BCKDHB: variants seen among roughly 807,000 people sequenced by gnomAD.
BCKDHB encodes the protein branched chain keto acid dehydrogenase E1 subunit beta.
BCKDHB carries 41 observed loss-of-function variants against 48.5 expected under a neutral mutation model. The ratio of observed to expected loss-of-function variants is 0.85; its 90% CI spans 0.66 to 1.10. BCKDHB has a LOEUF of 1.10. BCKDHB is among the 50% of genes least tolerant of loss of function. The pLI, the probability that BCKDHB is intolerant of heterozygous loss-of-function variation, is 0.00. For synonymous variants in BCKDHB, 201 were observed against 174.8 expected, an observed-to-expected ratio of 1.15 and a Z score of -1.18; for missense variants, 496 against 494.2, an observed-to-expected ratio of 1.00 and a Z score of -0.03.
chr6:80,339,415 A>G (rs1769778988), intron 9 of BCKDHB, among the ~76,000 whole-genome samples: 1 of 152,212 alleles, frequency 6.6e-6, no homozygotes, highest in Admixed American at 6.5e-5. Flanking sequence ...AAAATGAAAC[A>G]AGACAAAAAG....
chr6:80,310,844 G>A (rs549958260), intron 9 of BCKDHB, among the ~76,000 whole-genome samples: 22 of 152,166 alleles, frequency 1.4e-4, no homozygotes, highest in African/African-American at 4.8e-4. Flanking sequence ...TTTCTCTAAT[G>A]ATAACAGTAA....
At chr6:80,198,710 G>A (rs1185685484) in intron 6 of BCKDHB, among the ~76,000 whole-genome samples, 1 of 152,164 alleles carries the variant, frequency 6.6e-6, no homozygotes, top group African/African-American at 2.4e-5. Flanking sequence ...TGTACAATGT[G>A]ATTCTATTTG....
chr6:80,342,556 G>GGAAA (rs1554216141), intron 9 of BCKDHB, among the ~76,000 whole-genome samples: 2 of 24,096 alleles, frequency 8.3e-5, no homozygotes, highest in African/African-American at 3.2e-4. Flanking sequence ...CCTCATTTCT[G>GGAAA]AAAAAAAAAA....
chr6:80,395,868 T>C, the BCKDHB span, among the ~76,000 whole-genome samples: 3 of 152,284 alleles, frequency 2.0e-5, no homozygotes, highest in Admixed American at 2.0e-4. Context: ...CTGCTTCAGC[T>C]CCAGCTCTGG....
chr6:80,288,939 A>T (rs1582510184), intron 9 of BCKDHB, among the ~76,000 whole-genome samples: 1 of 152,216 alleles, frequency 6.6e-6, no homozygotes, highest in East Asian at 1.9e-4. Flanking sequence ...AGGGGTAGGG[A>T]GCATTAATGG....
At chr6:80,322,906 T>C (rs1270417335) in intron 9 of BCKDHB, among the ~76,000 whole-genome samples, 1 of 149,946 alleles carries the variant, frequency 6.7e-6, no homozygotes, top group Non-Finnish European at 1.5e-5. Context: ...CTTTTTTTTT[T>C]TTTTTTTGCA....
chr6:80,220,381 G>T, intron 8 of BCKDHB, among the ~76,000 whole-genome samples: 1 of 71,096 alleles, frequency 1.4e-5, no homozygotes, highest in African/African-American at 4.2e-5. Context: ...ATGTTCTATA[G>T]ATTATCTCTG....
At chr6:80,464,733 C>T in the BCKDHB span, among the ~76,000 whole-genome samples, 3 of 152,184 alleles carry the variant, frequency 2.0e-5, no homozygotes, top group Non-Finnish European at 4.4e-5. Context: ...TGCTCTTCCA[C>T]ATTTGCAGTA....
chr6:80,366,558 T>C, the BCKDHB span, among the ~76,000 whole-genome samples: 5 of 152,212 alleles, frequency 3.3e-5, no homozygotes, highest in Admixed American at 6.5e-5. Context: ...CATAAAGTGA[T>C]TTACATAATA....
chr6:80,163,296 G>A (rs910439790), intron 3 of BCKDHB, among the ~76,000 whole-genome samples: 2 of 142,442 alleles, frequency 1.4e-5, no homozygotes, highest in African/African-American at 5.3e-5. Flanking sequence ...CTCACTTGAA[G>A]TCACTGCAAT....
At chr6:80,397,038 G>A in the BCKDHB span, among the ~76,000 whole-genome samples, 4 of 152,080 alleles carry the variant, frequency 2.6e-5, no homozygotes, top group African/African-American at 9.7e-5. Flanking sequence ...CTTCAGAACT[G>A]CACCCCCCGC....
At chr6:80,212,928 C>T (rs183420197) in intron 8 of BCKDHB, among the ~76,000 whole-genome samples, 2 of 152,262 alleles carry the variant, frequency 1.3e-5, no homozygotes, top group East Asian at 1.9e-4. Flanking sequence ...TAAAATGTTA[C>T]GTACTCTTGT....
upstream of BCKDHB, chr6:80,106,661 T>G (rs779370324): frequency 2.6e-6 from 4 of 1,545,734 alleles, no homozygotes; most frequent in Middle Eastern, 2.3e-4. Context: ...GGCGTGCGGC[T>G]GCATAGCCTG....
intron 9 of BCKDHB, among the ~76,000 whole-genome samples, chr6:80,342,256 G>A (rs1273921313): frequency 6.6e-6 from 1 of 151,880 alleles, no homozygotes; most frequent in African/African-American, 2.4e-5. Flanking sequence ...AGTATAATAT[G>A]TAAAAAAAAC....
chr6:80,134,575 G>A (rs2505934), intron 3 of BCKDHB, among the ~76,000 whole-genome samples: 5,123 of 151,990 alleles, frequency 0.034, 274 homozygotes, highest in African/African-American at 0.12. Flanking sequence ...AAGCTTTATG[G>A]TTTTATTTGT....
chr6:80,273,524 T>G (rs898906888), intron 9 of BCKDHB, among the ~76,000 whole-genome samples: 3 of 152,130 alleles, frequency 2.0e-5, no homozygotes, highest in African/African-American at 7.2e-5. Flanking sequence ...TTGTATTTGC[T>G]ACGTTAACAG....
chr6:80,412,490 T>G, the BCKDHB span, among the ~76,000 whole-genome samples: 1 of 152,204 alleles, frequency 6.6e-6, no homozygotes, highest in African/African-American at 2.4e-5. Context: ...AACAAATTAT[T>G]GTAGTTATAA....
intron 9 of BCKDHB, among the ~76,000 whole-genome samples, chr6:80,284,357 T>A (rs1200078777): frequency 2.0e-5 from 3 of 152,238 alleles, no homozygotes; most frequent in Admixed American, 6.5e-5. Flanking sequence ...AAAGCAGAAA[T>A]CATCTAGTTG....
chr6:80,160,870 A>G (rs1772278232), intron 3 of BCKDHB, among the ~76,000 whole-genome samples: 1 of 152,230 alleles, frequency 6.6e-6, no homozygotes, highest in Non-Finnish European at 1.5e-5. Flanking sequence ...AGAAAATGGC[A>G]TGTTATAGAA....
Sources: gnomAD v4.1 joint callset for allele counts (sites outside exome capture counted in the v4.1 genomes callset) on GRCh38, gnomAD v4.1.1 for gene constraint, MANE v1.5 for transcripts, NCBI Gene and HGNC (gene_info 2026-07-23, HGNC 2026-07-21) for gene names.